CERT1: variants seen among roughly 807,000 people sequenced by gnomAD.
CERT1 encodes the protein ceramide transporter 1.
CERT1 carries 31 observed loss-of-function variants against 87.9 expected under a neutral mutation model. That is an observed-to-expected ratio of 0.35 (90% confidence interval 0.27 to 0.48). The LOEUF (loss-of-function observed/expected upper bound fraction) is 0.48. Among genes scored for constraint, CERT1 ranks in the 20% least tolerant of loss-of-function variants. The pLI, the probability that CERT1 is intolerant of heterozygous loss-of-function variation, is 0.99. For synonymous variants in CERT1, 289 were observed against 250.9 expected, an observed-to-expected ratio of 1.15 and a Z score of -1.44; for missense variants, 487 against 758.0, an observed-to-expected ratio of 0.64 and a Z score of 4.20.
intron 12 of CERT1, among the ~76,000 whole-genome samples, chr5:75,386,424 C>A (rs1288757587): frequency 6.6e-6 from 1 of 152,050 alleles, no homozygotes; most frequent in East Asian, 1.9e-4. Flanking sequence ...ATGCTGTATC[C>A]CCAACAGCTA....
At chr5:75,415,760 T>C (rs1763108182) in intron 7 of CERT1, among the ~76,000 whole-genome samples, 1 of 152,094 alleles carries the variant, frequency 6.6e-6, no homozygotes, top group African/African-American at 2.4e-5. Context: ...TGTTTTTCAA[T>C]ACATTGTTTT....
intron 2 of CERT1, among the ~76,000 whole-genome samples, chr5:75,464,969 C>T (rs1765399229): frequency 6.6e-6 from 1 of 152,118 alleles, no homozygotes; most frequent in Non-Finnish European, 1.5e-5. Flanking sequence ...TGCCTGGTTC[C>T]TACAGCTAAA....
intron 3 of CERT1, among the ~76,000 whole-genome samples, chr5:75,447,412 G>A (rs945317863): frequency 1.3e-5 from 2 of 151,086 alleles, no homozygotes; most frequent in Non-Finnish European, 3.0e-5. Flanking sequence ...AAGACTGAAG[G>A]TAGTTTCTAT....
intron 8 of CERT1, among the ~76,000 whole-genome samples, chr5:75,407,940 T>G (rs1762782207): frequency 6.6e-6 from 1 of 151,772 alleles, no homozygotes; most frequent in African/African-American, 2.4e-5. Flanking sequence ...TAACAATTTT[T>G]AAGTGTATAG....
chr5:75,481,390 T>C (rs1766236238), intron 2 of CERT1, among the ~76,000 whole-genome samples: 1 of 152,206 alleles, frequency 6.6e-6, no homozygotes, highest in African/African-American at 2.4e-5. Flanking sequence ...GAATAGTTAC[T>C]ATAGTATATA....
chr5:75,470,635 T>C (rs918116213), intron 2 of CERT1, among the ~76,000 whole-genome samples: 1 of 152,164 alleles, frequency 6.6e-6, no homozygotes, highest in Non-Finnish European at 1.5e-5. Flanking sequence ...AAAGGCCATA[T>C]GCAACAACTC....
chr5:75,370,620 T>G (rs1761044351), intron 17 of CERT1: 1 of 152,086 alleles, frequency 6.6e-6, no homozygotes. Flanking sequence ...TTATTACATG[T>G]CATGTACTTG....
intron 7 of CERT1, among the ~76,000 whole-genome samples, chr5:75,414,941 T>A (rs1763078895): frequency 6.6e-6 from 1 of 152,152 alleles, no homozygotes; most frequent in African/African-American, 2.4e-5. Flanking sequence ...ATCATTGTAC[T>A]TTCTTTCTCA....
chr5:75,490,276 C>A (rs2112424158), intron 2 of CERT1, among the ~76,000 whole-genome samples: 1 of 152,080 alleles, frequency 6.6e-6, no homozygotes, highest in Non-Finnish European at 1.5e-5. Context: ...AACAAACCAC[C>A]ATGGCACATG....
At chr5:75,498,769 GC>G (rs1231220510) in intron 2 of CERT1, among the ~76,000 whole-genome samples, 1 of 152,146 alleles carries the variant, frequency 6.6e-6, no homozygotes, top group Admixed American at 6.5e-5. Flanking sequence ...TGGGGTTGAA[GC>G]CCCCCCACCC....
At chr5:75,412,580 TATAAAC>T (rs1369718173) in intron 7 of CERT1, among the ~76,000 whole-genome samples, 1 of 152,200 alleles carries the variant, frequency 6.6e-6, no homozygotes, top group Non-Finnish European at 1.5e-5. Flanking sequence ...AGTGTACTTA[TATAAAC>T]CTAGATGGTA....
intron 2 of CERT1, among the ~76,000 whole-genome samples, chr5:75,504,705 A>C (rs569925024): frequency 4.4e-4 from 66 of 150,584 alleles, no homozygotes; most frequent in African/African-American, 1.6e-3. Flanking sequence ...TAACTACAAC[A>C]GCTCCCTTAA....
At chr5:75,458,583 G>T (rs1765097154) in intron 3 of CERT1, among the ~76,000 whole-genome samples, 1 of 150,430 alleles carries the variant, frequency 6.6e-6, no homozygotes. Flanking sequence ...ATGGAGTCTT[G>T]CTCTGTTGCC....
chr5:75,393,619 A>G (rs1209623995), intron 11 of CERT1, among the ~76,000 whole-genome samples: 1 of 145,386 alleles, frequency 6.9e-6, no homozygotes, highest in Non-Finnish European at 1.5e-5. Context: ...AAAAAAAAAA[A>G]AAAAGAAAGT....
intron 2 of CERT1, among the ~76,000 whole-genome samples, chr5:75,495,627 C>T (rs1377001471): frequency 6.6e-6 from 1 of 151,942 alleles, no homozygotes; most frequent in Non-Finnish European, 1.5e-5. Flanking sequence ...AACAGGAATA[C>T]CAGCTTCCCT....
intron 3 of CERT1, among the ~76,000 whole-genome samples, chr5:75,437,680 C>T (rs1764150974): frequency 1.3e-5 from 2 of 150,604 alleles, no homozygotes; most frequent in South Asian, 2.1e-4. Flanking sequence ...GCAGGAGACT[C>T]GCTTGAACCC....
At chr5:75,385,774 C>G in intron 13 of CERT1, 128 bp downstream of exon 13, 1 of 616,456 alleles carries the variant, frequency 1.6e-6, no homozygotes, top group East Asian at 3.4e-5. Flanking sequence ...ATTGCTAGTC[C>G]TCTATATGAT....
intron 3 of CERT1, among the ~76,000 whole-genome samples, chr5:75,436,761 C>T (rs903175929): frequency 1.3e-5 from 2 of 151,940 alleles, no homozygotes; most frequent in Non-Finnish European, 2.9e-5. Flanking sequence ...CAAAACTCAA[C>T]AGTTTGAATA....
chr5:75,432,545 G>A (rs1332454265), intron 3 of CERT1, among the ~76,000 whole-genome samples: 2 of 152,174 alleles, frequency 1.3e-5, no homozygotes, highest in South Asian at 2.1e-4. Flanking sequence ...TTTGCCCATC[G>A]TTTAATGGGG....
Sources: allele counts gnomAD v4.1 joint callset (sites outside exome capture counted in the v4.1 genomes callset), GRCh38; gene constraint gnomAD v4.1.1; transcripts MANE v1.5; gene names NCBI Gene and HGNC (gene_info 2026-07-23, HGNC 2026-07-21).